Variants in SMC5 observed in about 807,000 individuals in gnomAD.
SMC5 encodes the protein structural maintenance of chromosomes 5.
In SMC5, 88 loss-of-function variants were observed where a neutral mutation model predicts 148.3. The observed-to-expected ratio is 0.59, with a 90% CI of 0.50 to 0.71. The LOEUF (loss-of-function observed/expected upper bound fraction) is 0.71, where lower values mean the gene tolerates loss of function less well. SMC5 is among the 30% of genes least tolerant of loss of function. SMC5 has a pLI of 0.00. For missense variants in SMC5, 1,142 were observed against 1,298.9 expected (o/e 0.88, Z 1.86); for synonymous variants, 421 against 432.8 (o/e 0.97, Z 0.34).
intron 15 of SMC5, among the ~76,000 whole-genome samples, chr9:70,322,228 C>A (rs973442674): frequency 1.4e-4 from 21 of 152,184 alleles, no homozygotes; most frequent in African/African-American, 4.8e-4. Context: ...TTAAACCTTT[C>A]TTTAAACTTT....
chr9:70,265,121 T>G (rs1462695282), intron 2 of SMC5, among the ~76,000 whole-genome samples: 1 of 151,392 alleles, frequency 6.6e-6, no homozygotes, highest in Non-Finnish European at 1.5e-5. Context: ...CCAGAGGGAG[T>G]CTTGAGAAAG....
At chr9:70,286,006 C>T (rs2034889704) in intron 7 of SMC5, among the ~76,000 whole-genome samples, 194 bp from the exon 8 acceptor site, 1 of 152,126 alleles carries the variant, frequency 6.6e-6, no homozygotes, top group African/African-American at 2.4e-5. Flanking sequence ...ATTACTGCAA[C>T]TGTTTATTAA....
chr9:70,285,431 C>T (rs2034868593), intron 7 of SMC5, among the ~76,000 whole-genome samples: 1 of 152,172 alleles, frequency 6.6e-6, no homozygotes, highest in Non-Finnish European at 1.5e-5. Context: ...TTTTTATGGG[C>T]GTTAGGCAAC....
At chr9:70,317,465 G>A (rs1044946241) in intron 13 of SMC5, among the ~76,000 whole-genome samples, 1 of 152,236 alleles carries the variant, frequency 6.6e-6, no homozygotes. Context: ...AACTTGGGTA[G>A]GCTAAAGTCA....
At chr9:70,328,986 A>G (rs1348679354) in intron 17 of SMC5, among the ~76,000 whole-genome samples, 1 of 152,160 alleles carries the variant, frequency 6.6e-6, no homozygotes, top group African/African-American at 2.4e-5. Context: ...GGCCTGAGCT[A>G]TATCTTGGCC....
At chr9:70,303,653 A>G (rs113085578) in intron 10 of SMC5, among the ~76,000 whole-genome samples, 2 of 152,208 alleles carry the variant, frequency 1.3e-5, no homozygotes, top group South Asian at 2.1e-4. Flanking sequence ...ATCCACATTT[A>G]GTTCTATGAG....
At chr9:70,309,272 G>A (rs932440339) in intron 11 of SMC5, among the ~76,000 whole-genome samples, 2 of 140,118 alleles carry the variant, frequency 1.4e-5, no homozygotes, top group Non-Finnish European at 3.1e-5. Flanking sequence ...TTTCTCTGTA[G>A]CATATGATAG....
intron 24 of SMC5, 52 bp downstream of exon 24, chr9:70,350,523 C>A: frequency 8.4e-7 from 1 of 1,190,894 alleles, no homozygotes; most frequent in Non-Finnish European, 1.2e-6. Context: ...TCTCCTGTGA[C>A]ATAATCATAC....
intron 15 of SMC5, 64 bp from the exon 16 acceptor site, chr9:70,323,419 T>C: frequency 6.7e-7 from 1 of 1,488,860 alleles, no homozygotes; most frequent in Admixed American, 2.4e-5. Context: ...GGGGGGGACC[T>C]AAGAATTTGG....
At chr9:70,285,961 G>T (rs1008215698) in intron 7 of SMC5, among the ~76,000 whole-genome samples, 1 of 152,118 alleles carries the variant, frequency 6.6e-6, no homozygotes, top group African/African-American at 2.4e-5. Flanking sequence ...AATAAGACAG[G>T]AAGATAAATG....
At chr9:70,268,909 A>T (rs964094910) in intron 3 of SMC5, among the ~76,000 whole-genome samples, 1 of 152,172 alleles carries the variant, frequency 6.6e-6, no homozygotes, top group Admixed American at 6.5e-5. Context: ...GATGTTTATG[A>T]TGAAACCAGT....
intron 22 of SMC5, 114 bp downstream of exon 22, chr9:70,348,152 T>G: frequency 1.9e-6 from 2 of 1,045,268 alleles, no homozygotes; most frequent in Non-Finnish European, 2.6e-6. Context: ...AAGTTTTGTT[T>G]ACCAAAATGT....
intron 11 of SMC5, among the ~76,000 whole-genome samples, chr9:70,310,174 G>C (rs572844980): frequency 3.3e-5 from 5 of 152,272 alleles, no homozygotes; most frequent in African/African-American, 1.2e-4. Flanking sequence ...AAGGCTTTTT[G>C]TTTACTTTGC....
chr9:70,288,798 T>G (rs1199393995), intron 8 of SMC5, among the ~76,000 whole-genome samples: 1 of 152,176 alleles, frequency 6.6e-6, no homozygotes, highest in Non-Finnish European at 1.5e-5. Flanking sequence ...TGCTTTATGG[T>G]CAATAAATGT....
intron 17 of SMC5, among the ~76,000 whole-genome samples, chr9:70,338,427 CTCTT>C (rs2036423493): frequency 6.6e-6 from 1 of 152,116 alleles, no homozygotes; most frequent in South Asian, 2.1e-4. Flanking sequence ...ACTAGTTCAC[CTCTT>C]TCTAACTATC....
At chr9:70,302,697 T>C (rs1017815725) in intron 10 of SMC5, among the ~76,000 whole-genome samples, 1 of 151,742 alleles carries the variant, frequency 6.6e-6, no homozygotes, top group South Asian at 2.1e-4. Flanking sequence ...AACAAACAAA[T>C]AAATAAATCT....
At chr9:70,327,556 G>A (rs1200332568) in intron 17 of SMC5, among the ~76,000 whole-genome samples, 1 of 152,062 alleles carries the variant, frequency 6.6e-6, no homozygotes, top group African/African-American at 2.4e-5. Flanking sequence ...GGAGGATACT[G>A]GGGAACTGGC....
At chr9:70,270,873 C>T (rs961210568) in intron 3 of SMC5, among the ~76,000 whole-genome samples, 1 of 152,006 alleles carries the variant, frequency 6.6e-6, no homozygotes, top group Non-Finnish European at 1.5e-5. Flanking sequence ...TCTTGAACTC[C>T]TGACCTCAAG....
In SMC5 at chr9:70,305,356, A is replaced by G. The variant is rs1465595385; in HGVS notation, c.1574A>G (p.Lys525Arg). ...ESQEDMEVFL[K>R]EVRDNKKLRV... ...CAAGAAGATATGGAGGTTTTCCTCA[A>G]AGAGGCAAGTACTAACCAACACAAC... The change falls in exon 11 of 25, where the codon AAA becomes AGA. Residue 525 changes from lysine (K) to arginine (R), a missense_variant. Physicochemically the swap from Lys to Arg is conservative, Grantham distance 26. This residue lies in a region of SMC5 where 743 missense variants were observed against 835.7 expected (regional missense o/e 0.89). Coordinates refer to ENST00000361138, the MANE Select transcript of SMC5 (RefSeq NM_015110.4). 3.8e-6 allele frequency: 6 copies of G among 1,563,922 alleles called. No homozygotes were observed. In the South Asian group the frequency reaches 5.6e-5, roughly 15 times the overall value.
Sources: allele counts gnomAD v4.1 joint callset (sites outside exome capture counted in the v4.1 genomes callset), GRCh38; gene constraint gnomAD v4.1.1; regional missense constraint gnomAD v4.1.1; transcripts MANE v1.5; gene names NCBI Gene and HGNC (gene_info 2026-07-23, HGNC 2026-07-21).